PKP1: variants seen among roughly 807,000 people sequenced by gnomAD.
PKP1 encodes plakophilin-1.
Under a neutral mutation model 76.4 loss-of-function variants are expected in PKP1, and 27 were observed. The ratio of observed to expected loss-of-function variants is 0.35; its 90% confidence interval spans 0.26 to 0.49. PKP1 has a LOEUF of 0.49. Ranked by LOEUF, PKP1 falls within the 20% of genes least tolerant of loss-of-function variation. PKP1 has a pLI of 0.99. For missense variants in PKP1, 964 were observed against 955.2 expected (o/e 1.01, Z -0.12); for synonymous variants, 404 against 384.2 (o/e 1.05, Z -0.60).
At chr1:201,320,639 T>G (rs1656912091) in intron 7 of PKP1, among the ~76,000 whole-genome samples, 1 of 152,244 alleles carries the variant, frequency 6.6e-6, no homozygotes, top group African/African-American at 2.4e-5. Context: ...GGTTCACTCT[T>G]CACTCTAATG....
intron 2 of PKP1, among the ~76,000 whole-genome samples, chr1:201,312,849 T>C (rs1356240197): frequency 1.3e-5 from 2 of 152,234 alleles, no homozygotes; most frequent in East Asian, 1.9e-4. Context: ...CCATACACTG[T>C]TTCACAAAAC....
chr1:201,294,673 C>T (rs914905167), intron 2 of PKP1, among the ~76,000 whole-genome samples: 4 of 152,160 alleles, frequency 2.6e-5, no homozygotes, highest in African/African-American at 9.6e-5. Context: ...AACTAATGTA[C>T]ATGAAAAAAG....
intron 2 of PKP1, among the ~76,000 whole-genome samples, chr1:201,300,991 A>G (rs1210195240): frequency 6.6e-6 from 1 of 152,170 alleles, no homozygotes; most frequent in Non-Finnish European, 1.5e-5. Flanking sequence ...CCCTGCAAGG[A>G]GGGCAACTGG....
chr1:201,284,076 A>G (rs1655654927), intron 1 of PKP1, among the ~76,000 whole-genome samples, 172 bp downstream of exon 1: 1 of 148,044 alleles, frequency 6.8e-6, no homozygotes, highest in Non-Finnish European at 1.5e-5. Flanking sequence ...GCCGGTTCTG[A>G]GCTGGTGTAA....
intron 2 of PKP1, among the ~76,000 whole-genome samples, chr1:201,298,149 C>A (rs142792993): frequency 6.6e-6 from 1 of 152,312 alleles, no homozygotes; most frequent in East Asian, 1.9e-4. Flanking sequence ...TAGGCTGCAG[C>A]ATTTCTGGTG....
chr1:201,306,913 G>A (rs560526512), intron 2 of PKP1, among the ~76,000 whole-genome samples: 45 of 152,034 alleles, frequency 3.0e-4, no homozygotes, highest in African/African-American at 8.0e-4. Flanking sequence ...CTCGTGATCC[G>A]CCCGCCTCGG....
At chr1:201,291,867 T>C (rs530645681) in intron 1 of PKP1, among the ~76,000 whole-genome samples, 1 of 152,212 alleles carries the variant, frequency 6.6e-6, no homozygotes, top group African/African-American at 2.4e-5. Context: ...TGCAGCCCCC[T>C]TCCTTGGGAG....
chr1:201,304,747 G>T (rs1434463512), intron 2 of PKP1, among the ~76,000 whole-genome samples: 1 of 152,186 alleles, frequency 6.6e-6, no homozygotes, highest in Non-Finnish European at 1.5e-5. Context: ...GGCTTTGTTT[G>T]TGTCACCAGA....
rs1052226731 is a variant in PKP1 at position 201,330,574 on chromosome 1, T to A, written c.*533T>A. 5 of 152,260 alleles carry A rather than the reference T, an allele frequency of 3.3e-5. No individual in the cohort carries two copies. Among genetic ancestry groups the A allele is most frequent in the Admixed American group, 3.3e-4 (5 of 15,280 alleles). 9.4% of individuals were successfully genotyped at this position (152,260 alleles called of 1,614,324 possible). ...CAGGGCAAGGGGGCCATCACTGCAGTCAGGCCCTCAGAGGAGTCCTGCAGG... is the reference window on the plus strand; with the variant it reads ...CAGGGCAAGGGGGCCATCACTGCAGACAGGCCCTCAGAGGAGTCCTGCAGG... On this transcript the variant is annotated 3_prime_UTR_variant, in exon 14 of 14. Coordinates refer to ENST00000367324, the MANE Select transcript of PKP1 (RefSeq NM_001005337.3).
intron 5 of PKP1, among the ~76,000 whole-genome samples, 168 bp from the exon 6 acceptor site, chr1:201,318,450 G>A (rs1055129877): frequency 6.6e-5 from 10 of 152,182 alleles, no homozygotes; most frequent in Non-Finnish European, 1.2e-4. Flanking sequence ...GGGGCATTGA[G>A]AAATAGCCTC....
intron 11 of PKP1, 101 bp from the exon 12 acceptor site, chr1:201,325,653 C>A: frequency 1.1e-6 from 1 of 897,730 alleles, no homozygotes; most frequent in South Asian, 1.4e-5. Flanking sequence ...CTGAGGCCTC[C>A]CCTGTGTCCA....
chr1:201,313,693 C>T lies in PKP1; in HGVS notation c.701+133C>T, dbSNP rs1656638041. 1.4e-5 allele frequency: 14 copies of T among 972,182 alleles called. No individual in the cohort carries two copies. In the South Asian group the frequency reaches 2.4e-4, roughly 17 times the overall value. The allele number at this position is 972,182 out of a possible 1,614,324, so 60.2% of individuals were successfully genotyped here. A position where few individuals can be genotyped will look rare whatever the true frequency, so the allele number is the denominator to read the frequency against. On this transcript the variant is annotated intron_variant, in intron 3 of 13. Coordinates refer to ENST00000367324, the MANE Select transcript of PKP1 (RefSeq NM_001005337.3). ...GCTTCTGTCCCTGGGGAGTTCATTGCCCCTGGTGTAATGGACTCCCTAATG... is the reference window on the plus strand; with the variant it reads ...GCTTCTGTCCCTGGGGAGTTCATTGTCCCTGGTGTAATGGACTCCCTAATG...
At chr1:201,293,226 GC>G (rs1385796380) in intron 1 of PKP1, among the ~76,000 whole-genome samples, 1 of 152,130 alleles carries the variant, frequency 6.6e-6, no homozygotes, top group East Asian at 1.9e-4. Flanking sequence ...GAGGGGGGTG[GC>G]CCCACTAGGA....
At position 201,316,656 on chromosome 1, in the gene PKP1, A is replaced by C; in HGVS notation, c.805A>C (p.Ile269Leu). The change falls in exon 4 of 14, where the codon ATC becomes CTC. Residue 269 changes from isoleucine (I) to leucine (L), a missense_variant. By Grantham distance (5) the Ile-to-Leu change is conservative. Transcript: ENST00000367324. ...GTACCAGGCCATTGGGGCCTATTACATCCAGCATACCTGCTTCCAGGATGA... is the reference window on the plus strand; with the variant it reads ...GTACCAGGCCATTGGGGCCTATTACCTCCAGCATACCTGCTTCCAGGATGA... ...EKYQAIGAYY[I>L]QHTCFQDESA... 6.2e-7 allele frequency: 1 copy of C among 1,613,902 alleles called. No individual in the cohort carries two copies. The highest frequency in any genetic ancestry group is 2.2e-5 in the East Asian group (1 of 44,890).
At chr1:201,320,205 C>A in intron 6 of PKP1, 62 bp from the exon 7 acceptor site, 3 of 1,063,840 alleles carry the variant, frequency 2.8e-6, no homozygotes, top group South Asian at 2.6e-5. Flanking sequence ...TCTCTTGTCC[C>A]CACCTTCCCC....
At chr1:201,307,232 A>G (rs1372840113) in intron 2 of PKP1, among the ~76,000 whole-genome samples, 1 of 152,144 alleles carries the variant, frequency 6.6e-6, no homozygotes, top group Non-Finnish European at 1.5e-5. Context: ...CCAAGGCCAA[A>G]TGGGATTGCT....
rs1657299430 is a variant in PKP1 at position 201,330,832 on chromosome 1, A to C, written c.*791A>C. 6.6e-6 allele frequency: 1 copy of C among 152,276 alleles called. No individual in the cohort carries two copies. 9.4% of individuals were successfully genotyped at this position (152,276 alleles called of 1,614,324 possible). A position where few individuals can be genotyped will look rare whatever the true frequency, so the allele number is the denominator to read the frequency against. ...TTGCCAAATGAGGCCTGCTCAGAGGAGTAGGAGCTGAAAGATGGTGCCTTC... is the reference window on the plus strand; with the variant it reads ...TTGCCAAATGAGGCCTGCTCAGAGGCGTAGGAGCTGAAAGATGGTGCCTTC... On this transcript the variant is annotated 3_prime_UTR_variant, in exon 14 of 14. Coordinates refer to ENST00000367324, the MANE Select transcript of PKP1 (RefSeq NM_001005337.3).
At chr1:201,285,253 CACA>C (rs1358338512) in intron 1 of PKP1, among the ~76,000 whole-genome samples, 2 of 135,008 alleles carry the variant, frequency 1.5e-5, no homozygotes, top group East Asian at 4.1e-4. Flanking sequence ...CACACACACA[CACA>C]CACACACACC....
In PKP1 at chr1:201,332,546, C is replaced by A. The variant is rs61819987; in HGVS notation, c.*2505C>A. ...TAAGTCCACATTGGCCTCACACTAC[C>A]AGGGCCAATGCCCAAAATAAGGAGT... On this transcript the variant is annotated 3_prime_UTR_variant, in exon 14 of 14. Coordinates refer to ENST00000367324, the MANE Select transcript of PKP1 (RefSeq NM_001005337.3). The A allele has an allele frequency of 6.6e-6, 1 of 152,228 alleles. No homozygotes were observed. The highest frequency in any genetic ancestry group is 6.5e-5 in the Admixed American group (1 of 15,284). The allele number at this position is 152,228 out of a possible 1,614,324, so 9.4% of individuals were successfully genotyped here.
Sources: allele counts gnomAD v4.1 joint callset (sites outside exome capture counted in the v4.1 genomes callset), GRCh38; gene constraint gnomAD v4.1.1; transcripts MANE v1.5; gene names NCBI Gene and HGNC (gene_info 2026-07-23, HGNC 2026-07-21).